EBF2: variants seen among roughly 807,000 people sequenced by gnomAD.
EBF2 encodes transcription factor COE2.
In EBF2, 21 loss-of-function variants were observed where a neutral mutation model predicts 72.8. The ratio of observed to expected loss-of-function variants is 0.29; its 90% CI spans 0.20 to 0.42. The LOEUF is 0.42. Ranked by LOEUF, EBF2 falls within the 10% of genes least tolerant of loss-of-function variation. EBF2 has a pLI of 1.00. For synonymous variants in EBF2, 299 were observed against 274.2 expected, an observed-to-expected ratio of 1.09 and a Z score of -0.89; for missense variants, 637 against 731.2, an observed-to-expected ratio of 0.87 and a Z score of 1.49.
intron 6 of EBF2, among the ~76,000 whole-genome samples, chr8:25,917,620 T>G (rs1474434651): frequency 6.6e-6 from 1 of 152,244 alleles, no homozygotes; most frequent in Admixed American, 6.5e-5. Flanking sequence ...TCCGTGAGAC[T>G]TCAGAATCAG....
At chr8:25,966,674 C>T (rs1804120527) in intron 6 of EBF2, among the ~76,000 whole-genome samples, 2 of 152,192 alleles carry the variant, frequency 1.3e-5, no homozygotes, top group African/African-American at 2.4e-5. Context: ...CTTTGAGTTC[C>T]TCAGAAAAGA....
At chr8:26,023,181 G>A (rs1585231527) in intron 6 of EBF2, among the ~76,000 whole-genome samples, 2 of 152,134 alleles carry the variant, frequency 1.3e-5, no homozygotes, top group African/African-American at 4.8e-5. Context: ...TGGCAGTTTT[G>A]GGAGGTCCTC....
intron 6 of EBF2, among the ~76,000 whole-genome samples, chr8:25,951,881 GA>G (rs1402810965): frequency 6.6e-6 from 1 of 152,146 alleles, no homozygotes; most frequent in East Asian, 1.9e-4. Flanking sequence ...GAATTCGTCG[GA>G]AATCATTTTT....
intron 7 of EBF2, among the ~76,000 whole-genome samples, chr8:25,899,135 C>T (rs550920698): frequency 3.9e-5 from 6 of 152,086 alleles, no homozygotes; most frequent in Non-Finnish European, 8.8e-5. Context: ...GGGGTGGAGG[C>T]AGCAGAAGGT....
chr8:26,013,476 T>A (rs1805059837), intron 6 of EBF2, among the ~76,000 whole-genome samples: 1 of 152,200 alleles, frequency 6.6e-6, no homozygotes, highest in Admixed American at 6.5e-5. Flanking sequence ...ACTTCTGCTA[T>A]ATCAGGCGGT....
chr8:26,040,183 A>G, intron 4 of EBF2, 82 bp from the exon 5 acceptor site: 2 of 1,438,670 alleles, frequency 1.4e-6, no homozygotes, highest in Admixed American at 1.7e-5. Context: ...AACAAGCACA[A>G]CATCGCTTTC....
chr8:25,988,578 T>C (rs1804497744), intron 6 of EBF2, among the ~76,000 whole-genome samples: 1 of 152,238 alleles, frequency 6.6e-6, no homozygotes, highest in African/African-American at 2.4e-5. Flanking sequence ...ATTTATTGAA[T>C]AACTTCCATG....
intron 10 of EBF2, among the ~76,000 whole-genome samples, chr8:25,875,447 A>C (rs4131259): frequency 0.42 from 63,858 of 151,964 alleles, 13,785 homozygotes; most frequent in Middle Eastern, 0.58. Context: ...TATACAACAG[A>C]CTGCCCCAGC....
chr8:25,949,489 G>A (rs953482471), intron 6 of EBF2, among the ~76,000 whole-genome samples: 2 of 152,136 alleles, frequency 1.3e-5, no homozygotes, highest in African/African-American at 4.8e-5. Context: ...TACAAGAGGT[G>A]CGCCCTGATA....
At chr8:26,011,098 T>A (rs1393412643) in intron 6 of EBF2, among the ~76,000 whole-genome samples, 1 of 152,190 alleles carries the variant, frequency 6.6e-6, no homozygotes, top group Non-Finnish European at 1.5e-5. Flanking sequence ...GCTCAGCAGT[T>A]GATCAGCTTA....
intron 6 of EBF2, among the ~76,000 whole-genome samples, chr8:25,944,579 T>C (rs188187412): frequency 6.7e-6 from 1 of 148,718 alleles, no homozygotes; most frequent in African/African-American, 2.4e-5. Context: ...ATTGAATATA[T>C]TACAATATTA....
intron 6 of EBF2, among the ~76,000 whole-genome samples, chr8:25,929,033 A>G (rs1207349883): frequency 4.6e-5 from 7 of 152,252 alleles, no homozygotes; most frequent in Admixed American, 4.6e-4. Flanking sequence ...TTATATTATT[A>G]TAATCAGTTC....
At chr8:25,863,391 T>C (rs1348457690) in intron 10 of EBF2, among the ~76,000 whole-genome samples, 1 of 152,154 alleles carries the variant, frequency 6.6e-6, no homozygotes, top group African/African-American at 2.4e-5. Flanking sequence ...TATGTTCCCG[T>C]TAAGACAGGG....
chr8:25,926,319 G>T (rs1238431657), intron 6 of EBF2, among the ~76,000 whole-genome samples: 1 of 152,168 alleles, frequency 6.6e-6, no homozygotes, highest in African/African-American at 2.4e-5. Flanking sequence ...ATTGGGAAAA[G>T]AGAGTATTTT....
chr8:26,010,553 T>C (rs1044081528), intron 6 of EBF2, among the ~76,000 whole-genome samples: 1 of 152,072 alleles, frequency 6.6e-6, no homozygotes, highest in Non-Finnish European at 1.5e-5. Flanking sequence ...CGGCAGAAAA[T>C]ACCCAGCGAC....
intron 6 of EBF2, among the ~76,000 whole-genome samples, chr8:26,005,447 A>AAT (rs1804848307): frequency 1.0e-4 from 1 of 9,608 alleles, no homozygotes; most frequent in African/African-American, 3.7e-4. Flanking sequence ...TATATTATAA[A>AAT]ATATATTATA....
chr8:26,016,718 C>T (rs915357628), intron 6 of EBF2, among the ~76,000 whole-genome samples: 7 of 152,122 alleles, frequency 4.6e-5, no homozygotes, highest in African/African-American at 1.4e-4. Flanking sequence ...TCTTTCCCTC[C>T]CTTCTTTTGA....
At chr8:25,863,135 ATC>A (rs1226278741) in intron 10 of EBF2, among the ~76,000 whole-genome samples, 3 of 151,646 alleles carry the variant, frequency 2.0e-5, no homozygotes, top group African/African-American at 7.3e-5. Flanking sequence ...CCTTTCTCTT[ATC>A]TCTTTCTTAA....
intron 7 of EBF2, among the ~76,000 whole-genome samples, chr8:25,905,549 T>G (rs893556998): frequency 6.6e-6 from 1 of 152,152 alleles, no homozygotes; most frequent in Non-Finnish European, 1.5e-5. Context: ...TAGAGGAACT[T>G]TAAAAACATT....
Sources: gnomAD v4.1 joint callset for allele counts (sites outside exome capture counted in the v4.1 genomes callset) on GRCh38, gnomAD v4.1.1 for gene constraint, MANE v1.5 for transcripts, NCBI Gene and HGNC (gene_info 2026-07-23, HGNC 2026-07-21) for gene names.